The following SLC24A3 variants were observed in gnomAD, a reference collection of about 807,000 sequenced individuals.
SLC24A3 encodes solute carrier family 24 member 3.
A neutral mutation model predicts 75.8 loss-of-function variants in SLC24A3; 28 were observed. The ratio of observed to expected loss-of-function variants is 0.37; its 90% confidence interval spans 0.27 to 0.51. SLC24A3 has a LOEUF of 0.51. SLC24A3 is among the 20% of genes least tolerant of loss of function. The probability of loss-of-function intolerance (pLI) is 0.94; values close to 1 mark genes in which losing one functional copy is unlikely to be tolerated. For synonymous variants in SLC24A3, 372 were observed against 334.1 expected, an observed-to-expected ratio of 1.11 and a Z score of -1.24; for missense variants, 663 against 847.8, an observed-to-expected ratio of 0.78 and a Z score of 2.71.
At chr20:19,341,623 C>A (rs1287343413) in intron 2 of SLC24A3, among the ~76,000 whole-genome samples, 1 of 152,214 alleles carries the variant, frequency 6.6e-6, no homozygotes, top group East Asian at 1.9e-4. Flanking sequence ...CTTCTTCACT[C>A]AGCAACTGGG....
intron 2 of SLC24A3, among the ~76,000 whole-genome samples, chr20:19,491,637 C>A (rs1476428560): frequency 2.0e-5 from 3 of 152,192 alleles, no homozygotes; most frequent in Admixed American, 6.5e-5. Context: ...GTGTCAGACA[C>A]CCCTGCCCCT....
At chr20:19,240,459 A>G (rs764149945) in intron 1 of SLC24A3, among the ~76,000 whole-genome samples, 9 of 152,220 alleles carry the variant, frequency 5.9e-5, no homozygotes, top group Non-Finnish European at 1.0e-4. Context: ...CTCCAGGGAT[A>G]GTAAAACTCT....
At chr20:19,393,335 T>C (rs1057284583) in intron 2 of SLC24A3, among the ~76,000 whole-genome samples, 1 of 152,184 alleles carries the variant, frequency 6.6e-6, no homozygotes, top group African/African-American at 2.4e-5. Flanking sequence ...TGAGGATGCC[T>C]GCTTTTGCTG....
At chr20:19,671,532 A>G (rs1351559050) in intron 8 of SLC24A3, among the ~76,000 whole-genome samples, 2 of 152,158 alleles carry the variant, frequency 1.3e-5, no homozygotes, top group Non-Finnish European at 2.9e-5. Context: ...AGTCCGATGG[A>G]TATGGGAGTG....
At chr20:19,248,021 C>CA (rs1982545240) in intron 1 of SLC24A3, among the ~76,000 whole-genome samples, 1 of 152,150 alleles carries the variant, frequency 6.6e-6, no homozygotes, top group Admixed American at 6.6e-5. Context: ...CTTTAAAAGA[C>CA]AACTTGCTAA....
chr20:19,275,055 G>A (rs1011693965), intron 1 of SLC24A3, among the ~76,000 whole-genome samples: 4 of 152,228 alleles, frequency 2.6e-5, no homozygotes, highest in Admixed American at 2.0e-4. Context: ...ATGGGAGGCT[G>A]TTGCCATGGC....
chr20:19,249,831 A>C (rs1982598260), intron 1 of SLC24A3, among the ~76,000 whole-genome samples: 1 of 152,226 alleles, frequency 6.6e-6, no homozygotes, highest in East Asian at 1.9e-4. Flanking sequence ...CACTTTTAGC[A>C]ATTACAGTTA....
At chr20:19,669,871 G>T (rs928759402) in intron 8 of SLC24A3, among the ~76,000 whole-genome samples, 1 of 152,200 alleles carries the variant, frequency 6.6e-6, no homozygotes, top group East Asian at 1.9e-4. Context: ...TCAGGGACCC[G>T]TTGAAAATGA....
chr20:19,308,128 C>T (rs1984374293), intron 2 of SLC24A3, among the ~76,000 whole-genome samples: 1 of 152,140 alleles, frequency 6.6e-6, no homozygotes, highest in Admixed American at 6.5e-5. Context: ...AGTCTTTATT[C>T]CCTTCAACCT....
intron 2 of SLC24A3, among the ~76,000 whole-genome samples, chr20:19,336,193 G>A (rs1465196642): frequency 6.6e-6 from 1 of 152,112 alleles, no homozygotes; most frequent in East Asian, 1.9e-4. Flanking sequence ...TTTAGGCCAG[G>A]GCTCGGGAAA....
intron 6 of SLC24A3, among the ~76,000 whole-genome samples, chr20:19,629,788 A>G (rs1475154269): frequency 3.3e-5 from 5 of 152,252 alleles, no homozygotes; most frequent in Non-Finnish European, 7.3e-5. Context: ...GGCCAAGAAT[A>G]CTGTGCAGAA....
chr20:19,694,499 A>AT (rs1374156056), intron 13 of SLC24A3: 1 of 152,100 alleles, frequency 6.6e-6, no homozygotes, highest in African/African-American at 2.4e-5. Context: ...TATCACAAAC[A>AT]TTTTTTTAAA....
At chr20:19,512,167 C>T (rs1203914873) in intron 2 of SLC24A3, among the ~76,000 whole-genome samples, 1 of 152,182 alleles carries the variant, frequency 6.6e-6, no homozygotes, top group Non-Finnish European at 1.5e-5. Flanking sequence ...AGAGGAGCTC[C>T]CAGCTGGGCA....
At chr20:19,614,851 A>T (rs1257358828) in intron 6 of SLC24A3, among the ~76,000 whole-genome samples, 1 of 152,214 alleles carries the variant, frequency 6.6e-6, no homozygotes. Context: ...GATTAGAAGG[A>T]AGATGAATGA....
At chr20:19,235,946 G>A (rs555463916) in intron 1 of SLC24A3, among the ~76,000 whole-genome samples, 1 of 152,330 alleles carries the variant, frequency 6.6e-6, no homozygotes, top group African/African-American at 2.4e-5. Context: ...AACGCTGGGT[G>A]ACAAACCCAA....
At chr20:19,306,135 A>G (rs534238285) in intron 2 of SLC24A3, among the ~76,000 whole-genome samples, 3 of 152,360 alleles carry the variant, frequency 2.0e-5, no homozygotes, top group African/African-American at 7.2e-5. Context: ...GTTCAACATC[A>G]CTAATGATTA....
intron 2 of SLC24A3, among the ~76,000 whole-genome samples, chr20:19,436,226 T>C (rs921865442): frequency 6.6e-6 from 1 of 152,222 alleles, no homozygotes; most frequent in Non-Finnish European, 1.5e-5. Flanking sequence ...GAGCCACTAA[T>C]GGAACTTCTA....
Position 19,473,241 on chromosome 20 carries a change from T to C in SLC24A3, c.272-42247T>C, listed in dbSNP as rs73128694. Among the ~76,000 whole-genome samples, 928 of 152,336 alleles carry C rather than the reference T, an allele frequency of 6.1e-3. 5 individuals carry two copies. Among genetic ancestry groups the C allele is most frequent in the South Asian group, 0.018 (86 of 4,824 alleles). ...ACGAAGCTTGTATCTGTGTGGCTCTTCAGGATTTTAAAGCACATGTTCTTT... is the reference window on the plus strand; with the variant it reads ...ACGAAGCTTGTATCTGTGTGGCTCTCCAGGATTTTAAAGCACATGTTCTTT... On this transcript the variant is annotated intron_variant, in intron 2 of 16. Transcript: ENST00000328041.
At chr20:19,602,956 G>T (rs1568669633) in intron 6 of SLC24A3, among the ~76,000 whole-genome samples, 1 of 152,214 alleles carries the variant, frequency 6.6e-6, no homozygotes. Context: ...GTTCAGCTGA[G>T]CAAGATTGCT....
Sources: gnomAD v4.1 joint callset for allele counts (sites outside exome capture counted in the v4.1 genomes callset) on GRCh38, gnomAD v4.1.1 for gene constraint, MANE v1.5 for transcripts, NCBI Gene and HGNC (gene_info 2026-07-23, HGNC 2026-07-21) for gene names.